Variants in ELOVL7 observed in about 807,000 individuals in gnomAD.
ELOVL7 encodes ELOVL fatty acid elongase 7, also known as very long chain fatty acid elongase 7.
A neutral mutation model predicts 35.7 loss-of-function variants in ELOVL7; 27 were observed. The observed-to-expected ratio is 0.76, with a 90% confidence interval of 0.56 to 1.04. ELOVL7 has a LOEUF of 1.04. Among genes scored for constraint, ELOVL7 ranks in the 50% least tolerant of loss-of-function variants. ELOVL7 has a pLI of 0.00. For missense variants in ELOVL7, 327 were observed against 340.8 expected (o/e 0.96, Z 0.32); for synonymous variants, 113 against 114.6 (o/e 0.99, Z 0.09).
At chr5:60,827,888 C>T (rs1746263156) in intron 1 of ELOVL7, among the ~76,000 whole-genome samples, 1 of 152,130 alleles carries the variant, frequency 6.6e-6, no homozygotes. Flanking sequence ...TTCCTGCACA[C>T]CCAGAATCTC....
chr5:60,839,691 C>A (rs1011671209), intron 1 of ELOVL7, among the ~76,000 whole-genome samples: 1 of 152,158 alleles, frequency 6.6e-6, no homozygotes, highest in African/African-American at 2.4e-5. Context: ...CTCCGGAATT[C>A]CGTGTTTGGT....
intron 1 of ELOVL7, among the ~76,000 whole-genome samples, chr5:60,802,314 T>C (rs1744693098): frequency 6.6e-6 from 1 of 151,856 alleles, no homozygotes; most frequent in African/African-American, 2.4e-5. Context: ...CAGGGAGAGA[T>C]TTGGATTCAG....
At chr5:60,822,190 G>C (rs912733297) in intron 1 of ELOVL7, among the ~76,000 whole-genome samples, 2 of 152,248 alleles carry the variant, frequency 1.3e-5, no homozygotes, top group African/African-American at 4.8e-5. Flanking sequence ...TGGGTACTTT[G>C]GGGTTGTAGG....
chr5:60,792,763 C>T (rs1744014550), intron 2 of ELOVL7, among the ~76,000 whole-genome samples: 1 of 152,150 alleles, frequency 6.6e-6, no homozygotes, highest in Admixed American at 6.5e-5. Flanking sequence ...AACAGCAGAA[C>T]CAGGACCCGA....
intron 1 of ELOVL7, among the ~76,000 whole-genome samples, chr5:60,824,644 A>G (rs1321453998): frequency 6.6e-6 from 1 of 152,236 alleles, no homozygotes; most frequent in Non-Finnish European, 1.5e-5. Flanking sequence ...AACAAATCCT[A>G]TCTTCTAAAT....
intron 3 of ELOVL7, among the ~76,000 whole-genome samples, chr5:60,775,748 G>C (rs943954862): frequency 6.6e-6 from 1 of 152,114 alleles, no homozygotes; most frequent in Non-Finnish European, 1.5e-5. Context: ...CTATTCAATA[G>C]ATGGTGCTAG....
chr5:60,757,458 A>T (rs756278274), intron 8 of ELOVL7, 51 bp downstream of exon 8: 1 of 1,573,816 alleles, frequency 6.4e-7, no homozygotes, highest in Non-Finnish European at 8.7e-7. Context: ...CAGTGAAAAC[A>T]AGTGACTCTA....
intron 2 of ELOVL7, among the ~76,000 whole-genome samples, chr5:60,794,809 A>C (rs1419814773): frequency 6.6e-6 from 1 of 152,186 alleles, no homozygotes; most frequent in African/African-American, 2.4e-5. Flanking sequence ...CTAGCCACAG[A>C]TGCTGCTCAA....
chr5:60,843,022 C>T (rs76035001), intron 1 of ELOVL7, among the ~76,000 whole-genome samples: 3,636 of 151,980 alleles, frequency 0.024, 60 homozygotes, highest in Non-Finnish European at 0.037. Flanking sequence ...GTGGTAAGAA[C>T]GCAGAGGCAG....
intron 3 of ELOVL7, among the ~76,000 whole-genome samples, chr5:60,783,187 CTCT>C (rs1313506799): frequency 6.6e-6 from 1 of 152,148 alleles, no homozygotes; most frequent in African/African-American, 2.4e-5. Context: ...TCACTAGGTA[CTCT>C]TCAATAGTCT....
chr5:60,772,984 G>A (rs1742689455), intron 3 of ELOVL7, among the ~76,000 whole-genome samples: 1 of 152,144 alleles, frequency 6.6e-6, no homozygotes. Flanking sequence ...TAAAGTATGG[G>A]ATTTTGGAGT....
At position 60,767,915 on chromosome 5, in the gene ELOVL7, C is replaced by G. The variant is rs753736432; in HGVS notation, c.256-12G>C. On this transcript the variant is annotated splice_polypyrimidine_tract_variant and intron_variant, in intron 4 of 8. Coordinates refer to ENST00000508821, the MANE Select transcript of ELOVL7 (RefSeq NM_024930.3). Reference sequence around the variant, plus strand: ...CCAGACATCACAAACTGCAAGAGAGCACATGCATATTAAGAAAGGAAAGCA... The same window carrying G: ...CCAGACATCACAAACTGCAAGAGAGGACATGCATATTAAGAAAGGAAAGCA... The G allele has an allele frequency of 4.4e-6, 7 of 1,607,258 alleles. No homozygotes were observed. Among genetic ancestry groups the G allele is most frequent in the Non-Finnish European group, 6.0e-6 (7 of 1,174,232 alleles).
intron 3 of ELOVL7, among the ~76,000 whole-genome samples, chr5:60,777,071 A>G (rs1421733836): frequency 6.9e-6 from 1 of 145,600 alleles, no homozygotes; most frequent in Non-Finnish European, 1.5e-5. Context: ...GAGATAGAGT[A>G]GAAGGGTGGT....
chr5:60,788,553 T>A (rs1342101239), intron 2 of ELOVL7, among the ~76,000 whole-genome samples: 2 of 152,102 alleles, frequency 1.3e-5, no homozygotes, highest in Non-Finnish European at 2.9e-5. Flanking sequence ...GACAGGCAGA[T>A]CACCTGAGGT....
intron 1 of ELOVL7, among the ~76,000 whole-genome samples, chr5:60,821,208 TAC>T (rs949126062): frequency 3.9e-5 from 6 of 152,198 alleles, no homozygotes; most frequent in African/African-American, 1.4e-4. Flanking sequence ...AAAGTCTGCC[TAC>T]AGTTACTAAA....
intron 3 of ELOVL7, among the ~76,000 whole-genome samples, chr5:60,780,210 C>A (rs192949396): frequency 4.0e-4 from 60 of 151,548 alleles, no homozygotes; most frequent in African/African-American, 1.3e-3. Context: ...ACCTCTGCCT[C>A]CCGGGTTCAA....
At chr5:60,768,983 G>A (rs1742414800) in intron 4 of ELOVL7, among the ~76,000 whole-genome samples, 2 of 152,088 alleles carry the variant, frequency 1.3e-5, no homozygotes, top group South Asian at 4.1e-4. Context: ...GTAAAGAAAA[G>A]AAACAAAGGA....
intron 1 of ELOVL7, among the ~76,000 whole-genome samples, chr5:60,800,108 G>A (rs929243501): frequency 1.3e-5 from 2 of 150,650 alleles, no homozygotes; most frequent in Non-Finnish European, 2.9e-5. Flanking sequence ...TGAAGAGGAG[G>A]GAATACTTCC....
intron 4 of ELOVL7, among the ~76,000 whole-genome samples, chr5:60,771,600 A>G (rs1742593962): frequency 6.6e-6 from 1 of 152,194 alleles, no homozygotes; most frequent in Non-Finnish European, 1.5e-5. Context: ...ATGTTACTTT[A>G]AGAGTTTCCT....
Sources: gnomAD v4.1 joint callset for allele counts (sites outside exome capture counted in the v4.1 genomes callset) on GRCh38, gnomAD v4.1.1 for gene constraint, MANE v1.5 for transcripts, NCBI Gene and HGNC (gene_info 2026-07-23, HGNC 2026-07-21) for gene names.